HEXB: variants seen among roughly 807,000 people sequenced by gnomAD.
HEXB encodes beta-hexosaminidase subunit beta.
HEXB carries 51 observed loss-of-function variants against 71.2 expected under a neutral mutation model. The observed-to-expected ratio is 0.72, with a 90% CI of 0.57 to 0.90. The LOEUF (loss-of-function observed/expected upper bound fraction) is 0.90, where lower values mean the gene tolerates loss of function less well. Among genes scored for constraint, HEXB ranks in the 40% least tolerant of loss-of-function variants. The pLI, the probability that HEXB is intolerant of heterozygous loss-of-function variation, is 0.00. For missense variants in HEXB, 617 were observed against 677.0 expected (o/e 0.91, Z 0.98); for synonymous variants, 266 against 249.3 (o/e 1.07, Z -0.63).
intron 2 of HEXB, among the ~76,000 whole-genome samples, chr5:74,690,631 G>C (rs185683387): frequency 2.5e-3 from 273 of 107,270 alleles, no homozygotes; most frequent in Middle Eastern, 9.1e-3. Context: ...CAGCCTGGGG[G>C]ACAGAGTGAG....
intron 1 of HEXB, among the ~76,000 whole-genome samples, chr5:74,644,888 C>G (rs889406218): frequency 6.7e-6 from 1 of 148,370 alleles, no homozygotes; most frequent in African/African-American, 2.5e-5. Flanking sequence ...TCTCCTGCCT[C>G]AGCCTCTCAA....
At chr5:74,677,011 C>T (rs1047432779) in intron 1 of HEXB, among the ~76,000 whole-genome samples, 3 of 151,974 alleles carry the variant, frequency 2.0e-5, no homozygotes, top group African/African-American at 4.8e-5. Context: ...CTCAGCCTCC[C>T]GAGTAACTGG....
At chr5:74,651,369 T>C (rs1177383853) in intron 1 of HEXB, among the ~76,000 whole-genome samples, 1 of 152,230 alleles carries the variant, frequency 6.6e-6, no homozygotes, top group African/African-American at 2.4e-5. Context: ...ATAAATTTAA[T>C]ACGTTTAACA....
chr5:74,662,837 A>C lies in HEXB; in HGVS notation c.-377+22279A>C, dbSNP rs138777329. On this transcript the variant is annotated intron_variant, in intron 1 of 13. Coordinates refer to the HEXB transcript ENST00000511181. ...GTAAAGGATGTGGTCCTAGAGCAGA[A>C]ACAAACCTCATTTTACTGCTGAGGA... Among the ~76,000 whole-genome samples, 1,161 of 152,310 alleles carry C rather than the reference A, an allele frequency of 7.6e-3. 17 individuals are homozygous for C. The highest frequency in any genetic ancestry group is 0.025 in the African/African-American group (1,046 of 41,552).
intron 1 of HEXB, among the ~76,000 whole-genome samples, chr5:74,671,944 G>A (rs1037244746): frequency 2.0e-5 from 3 of 152,140 alleles, no homozygotes; most frequent in Admixed American, 6.5e-5. Context: ...GGAGACCGGC[G>A]CCTTGGTGAG....
intron 1 of HEXB, among the ~76,000 whole-genome samples, chr5:74,662,819 A>T (rs534788675): frequency 1.3e-5 from 2 of 152,330 alleles, no homozygotes; most frequent in African/African-American, 4.8e-5. Flanking sequence ...TTTGTAAAGG[A>T]TGTGGTCCTA....
intron 3 of HEXB, among the ~76,000 whole-genome samples, chr5:74,695,243 G>A (rs183911819): frequency 0.023 from 2,679 of 117,532 alleles, 86 homozygotes; most frequent in African/African-American, 0.079. Flanking sequence ...TTGCTCTGTT[G>A]CCCAGGCTGG....
chr5:74,689,312 T>G lies in HEXB; in HGVS notation c.300-16T>G, dbSNP rs1292351660. On this transcript the variant is annotated splice_polypyrimidine_tract_variant and intron_variant, in intron 1 of 13. Coordinates refer to ENST00000261416, the MANE Select transcript of HEXB (RefSeq NM_000521.4). ...AAAATCCTTCTAAAATGTGTTTACATTTATTTCTCAAACAGATATCATGGC... is the reference window on the plus strand; with the variant it reads ...AAAATCCTTCTAAAATGTGTTTACAGTTATTTCTCAAACAGATATCATGGC... 1 of 1,607,482 alleles carries G rather than the reference T, an allele frequency of 6.2e-7. No individual in the cohort carries two copies. Among genetic ancestry groups the G allele is most frequent in the Non-Finnish European group, 8.5e-7 (1 of 1,174,040 alleles).
intron 6 of HEXB, among the ~76,000 whole-genome samples, chr5:74,710,683 A>C (rs1304669703): frequency 6.6e-6 from 1 of 152,154 alleles, no homozygotes; most frequent in African/African-American, 2.4e-5. Flanking sequence ...TCCCATTCAC[A>C]ATTGCTTCAA....
chr5:74,679,372 A>T (rs1278093673), intron 1 of HEXB, among the ~76,000 whole-genome samples: 1 of 152,230 alleles, frequency 6.6e-6, no homozygotes, highest in Non-Finnish European at 1.5e-5. Flanking sequence ...TGGCAGAAAG[A>T]TTAGCAACAC....
At chr5:74,663,357 ATT>A (rs150684710) in intron 1 of HEXB, among the ~76,000 whole-genome samples, 8,511 of 152,026 alleles carry the variant, frequency 0.056, 830 homozygotes, top group African/African-American at 0.2. Flanking sequence ...CACCTGGCTA[ATT>A]TTTGTATTTT....
chr5:74,703,178 C>G (rs1334772284), intron 5 of HEXB, among the ~76,000 whole-genome samples: 3 of 152,236 alleles, frequency 2.0e-5, no homozygotes, highest in African/African-American at 7.2e-5. Context: ...GTCCCGAGCT[C>G]CTAGCCTCAG....
At chr5:74,689,528 TAAG>T (rs1748948783) in intron 2 of HEXB, 55 bp downstream of exon 2, 1 of 1,503,502 alleles carries the variant, frequency 6.7e-7, no homozygotes, top group Non-Finnish European at 9.3e-7. Context: ...CTGACGGACT[TAAG>T]TGCCAAAAAC....
At chr5:74,698,086 A>G (rs1428543704) in intron 5 of HEXB, among the ~76,000 whole-genome samples, 1 of 151,064 alleles carries the variant, frequency 6.6e-6, no homozygotes, top group Non-Finnish European at 1.5e-5. Flanking sequence ...TTATTTATTT[A>G]TTTATTTTGA....
rs182793597 is a variant in HEXB, at chr5:74,686,764, T to G, written c.299+1205T>G. Among the ~76,000 whole-genome samples, 35 of 152,320 alleles carry G rather than the reference T, an allele frequency of 2.3e-4. 1 individual carries two copies. In the East Asian group the frequency reaches 6.6e-3, roughly 29 times the overall value. The stretch of plus-strand genomic sequence containing the variant: ...GTGGGGTTAAGATGTAGAACCAAAG[T>G]GTTTGGTTGCATTGGGATATTCAGA... On this transcript the variant is annotated intron_variant, in intron 1 of 13. Transcript: ENST00000261416.
At chr5:74,713,408 A>G in intron 6 of HEXB, 98 bp from the exon 7 acceptor site, 1 of 1,152,830 alleles carries the variant, frequency 8.7e-7, no homozygotes, top group Non-Finnish European at 1.3e-6. Flanking sequence ...TAGTGAAAAA[A>G]TTAGCTGTCA....
intron 3 of HEXB, among the ~76,000 whole-genome samples, chr5:74,695,201 C>CTTTT (rs35812692): frequency 7.9e-5 from 9 of 114,474 alleles, no homozygotes; most frequent in African/African-American, 1.0e-4. Context: ...AGAAGAGACG[C>CTTTT]TTTTTTTTTT....
chr5:74,661,503 TTCTCTC>T (rs59304966), intron 1 of HEXB, among the ~76,000 whole-genome samples: 1 of 109,978 alleles, frequency 9.1e-6, no homozygotes, highest in African/African-American at 2.9e-5. Context: ...TGAATTCATT[TTCTCTC>T]TCTCTGTGTG....
chr5:74,718,371 T>C lies in HEXB; in HGVS notation c.1242+8T>C. The C allele has an allele frequency of 1.3e-6, 2 of 1,579,184 alleles. No homozygotes were observed. Among genetic ancestry groups the C allele is most frequent in the South Asian group, 1.1e-5 (1 of 90,390 alleles). On this transcript the variant is annotated splice_region_variant and intron_variant, in intron 10 of 13. Transcript: ENST00000261416. ...TTTGATGATAAAGCAAAGGTGAGCATTGTGAAGACTGCATCTGATCAATAT... is the reference window on the plus strand; with the variant it reads ...TTTGATGATAAAGCAAAGGTGAGCACTGTGAAGACTGCATCTGATCAATAT...
Sources: gnomAD v4.1 joint callset for allele counts (sites outside exome capture counted in the v4.1 genomes callset) on GRCh38, gnomAD v4.1.1 for gene constraint, MANE v1.5 for transcripts, NCBI Gene and HGNC (gene_info 2026-07-23, HGNC 2026-07-21) for gene names.